Variants in VWA8 observed in about 807,000 individuals in gnomAD.
VWA8 encodes von Willebrand factor A domain-containing protein 8.
VWA8 carries 221 observed loss-of-function variants against 241.5 expected under a neutral mutation model. That is an observed-to-expected ratio of 0.91 (90% CI 0.82 to 1.02). VWA8 has a LOEUF of 1.02. Among genes scored for constraint, VWA8 ranks in the 50% least tolerant of loss-of-function variants. The probability of loss-of-function intolerance (pLI) is 0.00; values close to 1 mark genes in which losing one functional copy is unlikely to be tolerated. For synonymous variants in VWA8, 852 were observed against 827.1 expected, an observed-to-expected ratio of 1.03 and a Z score of -0.52; for missense variants, 2,322 against 2,328.7, an observed-to-expected ratio of 1.00 and a Z score of 0.06.
At position 41,883,442 on chromosome 13, in the gene VWA8, G is replaced by A; in HGVS notation, c.1025C>T (p.Pro342Leu). 1 of 1,613,582 alleles carries A rather than the reference G, an allele frequency of 6.2e-7. No individual in the cohort carries two copies. The highest frequency in any genetic ancestry group is 2.2e-5 in the East Asian group (1 of 44,854). Residue 342 changes from proline to leucine, a missense_variant, in exon 9 of 45, where the codon CCA (proline) becomes CTA (leucine). Transcript: ENST00000379310. ...PIKHAIQWLYPYSILLGHEGK... is the reference protein window; with the variant it reads ...PIKHAIQWLYLYSILLGHEGK... ...TTCATGACCTAGTAAAATACTATATGGATAAAGCCACTGGATTGCATGTTT... is the reference window on the plus strand; with the variant it reads ...TTCATGACCTAGTAAAATACTATATAGATAAAGCCACTGGATTGCATGTTT...
chr13:41,926,931 T>C, intron 2 of VWA8: 1 of 547,532 alleles, frequency 1.8e-6, no homozygotes, highest in Non-Finnish European at 3.6e-6. Context: ...TGTAGGGGAG[T>C]TCCTGGAAAT....
chr13:41,654,719 AC>A (rs1331063041), intron 37 of VWA8, among the ~76,000 whole-genome samples: 1 of 152,204 alleles, frequency 6.6e-6, no homozygotes, highest in Non-Finnish European at 1.5e-5. Context: ...CATTGAGAAC[AC>A]AGCATTATTG....
At chr13:41,875,673 C>CT (rs1410912321) in intron 9 of VWA8, among the ~76,000 whole-genome samples, 1 of 151,982 alleles carries the variant, frequency 6.6e-6, no homozygotes, top group Non-Finnish European at 1.5e-5. Flanking sequence ...CCTTCTCAGT[C>CT]TTTTTTGCAG....
intron 2 of VWA8, among the ~76,000 whole-genome samples, chr13:41,944,651 G>T (rs1297221604): frequency 6.6e-6 from 1 of 152,086 alleles, no homozygotes; most frequent in Non-Finnish European, 1.5e-5. Context: ...CAGCAGCCTG[G>T]AAGTCACTGA....
intron 12 of VWA8, among the ~76,000 whole-genome samples, chr13:41,857,523 A>G (rs1414353553): frequency 2.0e-5 from 3 of 152,220 alleles, no homozygotes; most frequent in Non-Finnish European, 4.4e-5. Flanking sequence ...GATGAAACTT[A>G]CTAAAGTAAC....
At chr13:41,682,620 T>A (rs1017090455) in intron 35 of VWA8, among the ~76,000 whole-genome samples, 8 of 152,254 alleles carry the variant, frequency 5.3e-5, no homozygotes, top group South Asian at 4.2e-4. Flanking sequence ...TGGTGGCATG[T>A]GCCTGTAGTC....
chr13:41,701,542 CAG>C lies in VWA8; in HGVS notation c.3226-14_3226-13del. 6.6e-7 allele frequency: 1 copy of C among 1,524,588 alleles called. No individual in the cohort carries two copies. Among genetic ancestry groups the C allele is most frequent in the Non-Finnish European group, 8.8e-7 (1 of 1,140,194 alleles). The allele number at this position is 1,524,588 out of a possible 1,614,324, so 94.4% of individuals were successfully genotyped here. ...ATAAGTGCTGGACCCTATAATAAAG[CAG>C]TTATCTCAGTTAAGATATTTTGGTT... On this transcript the variant is annotated splice_polypyrimidine_tract_variant and intron_variant, in intron 27 of 44. Transcript: ENST00000379310.
intron 36 of VWA8, among the ~76,000 whole-genome samples, chr13:41,673,678 T>C (rs879392929): frequency 2.0e-5 from 3 of 152,224 alleles, no homozygotes; most frequent in Non-Finnish European, 1.5e-5. Flanking sequence ...AAATAAAATA[T>C]ATTAAAATTA....
Position 41,638,296 on chromosome 13 carries a change from A to C in VWA8, c.4612-23212T>G, listed in dbSNP as rs903698311. Among the ~76,000 whole-genome samples, 42 of 152,336 alleles carry C rather than the reference A, an allele frequency of 2.8e-4. 2 individuals carry two copies. Among genetic ancestry groups the C allele is most frequent in the Admixed American group, 2.1e-3 (32 of 15,302 alleles). ...ATAAAACAGAAGAAATGGAGAACTC[A>C]TTCTATTTTTCTACTATAAATTTTT... On this transcript the variant is annotated intron_variant, in intron 37 of 44. Transcript: ENST00000379310.
intron 34 of VWA8, among the ~76,000 whole-genome samples, chr13:41,686,651 C>T (rs889328094): frequency 2.6e-5 from 4 of 152,024 alleles, no homozygotes; most frequent in African/African-American, 4.8e-5. Context: ...TCTGTAATTC[C>T]CCTCTCCAAC....
chr13:41,849,214 A>G (rs1483904715), intron 12 of VWA8, among the ~76,000 whole-genome samples: 1 of 152,202 alleles, frequency 6.6e-6, no homozygotes, highest in Admixed American at 6.5e-5. Context: ...GTTTTCTTTA[A>G]TAGGGGAAGA....
chr13:41,583,505 T>C (rs187781420), intron 42 of VWA8, among the ~76,000 whole-genome samples: 1 of 151,424 alleles, frequency 6.6e-6, no homozygotes, highest in Admixed American at 6.6e-5. Context: ...TAGCCGGGCG[T>C]GGTGGCACAT....
At chr13:41,625,885 T>C (rs1384557733) in intron 37 of VWA8, among the ~76,000 whole-genome samples, 2 of 151,812 alleles carry the variant, frequency 1.3e-5, no homozygotes, top group Admixed American at 6.6e-5. Flanking sequence ...ATATACACCA[T>C]GGAATACTAT....
chr13:41,783,210 T>C (rs1868971192), intron 19 of VWA8, among the ~76,000 whole-genome samples: 1 of 148,378 alleles, frequency 6.7e-6, no homozygotes, highest in East Asian at 1.9e-4. Context: ...CTTATATATA[T>C]ACTTAATATA....
chr13:41,709,229 G>A (rs1221767331), intron 26 of VWA8, among the ~76,000 whole-genome samples: 1 of 152,084 alleles, frequency 6.6e-6, no homozygotes, highest in Non-Finnish European at 1.5e-5. Context: ...TTAATGCATC[G>A]AGAGTAAGCC....
At chr13:41,645,835 CA>C (rs1195999200) in intron 37 of VWA8, among the ~76,000 whole-genome samples, 1 of 152,162 alleles carries the variant, frequency 6.6e-6, no homozygotes, top group Non-Finnish European at 1.5e-5. Context: ...CACATAATAT[CA>C]GATGTGACTT....
chr13:41,775,491 C>T (rs1314587459), intron 20 of VWA8, among the ~76,000 whole-genome samples: 1 of 152,168 alleles, frequency 6.6e-6, no homozygotes, highest in Non-Finnish European at 1.5e-5. Context: ...TGTGCCAACC[C>T]GTGGCTCCTG....
intron 21 of VWA8, among the ~76,000 whole-genome samples, chr13:41,733,432 A>C (rs2045500613): frequency 6.6e-6 from 1 of 152,198 alleles, no homozygotes; most frequent in Non-Finnish European, 1.5e-5. Flanking sequence ...GTAAGTAATA[A>C]AACCCACCCA....
chr13:41,689,611 T>C, intron 33 of VWA8, 103 bp from the exon 34 acceptor site: 2 of 1,173,802 alleles, frequency 1.7e-6, no homozygotes, highest in Non-Finnish European at 2.2e-6. Flanking sequence ...AAGAACAAGT[T>C]AAAAAAGAGA....
Sources: gnomAD v4.1 joint callset for allele counts (sites outside exome capture counted in the v4.1 genomes callset) on GRCh38, gnomAD v4.1.1 for gene constraint, MANE v1.5 for transcripts, NCBI Gene and HGNC (gene_info 2026-07-23, HGNC 2026-07-21) for gene names.